The following RGMA variants were observed in gnomAD, a reference collection of about 807,000 sequenced individuals.
The protein encoded by RGMA is repulsive guidance molecule A.
A neutral mutation model predicts 23.2 loss-of-function variants in RGMA; 10 were observed. That is an observed-to-expected ratio of 0.43 (90% CI 0.27 to 0.73). The LOEUF is 0.73. Among genes scored for constraint, RGMA ranks in the 30% least tolerant of loss-of-function variants. RGMA has a pLI of 0.20. For synonymous variants in RGMA, 308 were observed against 279.3 expected (o/e 1.10, Z -1.03); for missense variants, 547 against 630.5 (o/e 0.87, Z 1.42).
At chr15:93,073,838 T>C in intron 1 of RGMA, 3 of 1,512,278 alleles carry the variant, frequency 2.0e-6, no homozygotes, top group Non-Finnish European at 1.8e-6. Context: ...TGCGCCCCCG[T>C]GCTGAGGGCC....
chr15:93,072,814 G>C (rs1895373824), intron 2 of RGMA, 102 bp downstream of exon 2: 2 of 1,255,016 alleles, frequency 1.6e-6, no homozygotes, highest in African/African-American at 1.5e-5. Flanking sequence ...GTCCGGAGGA[G>C]GTCCGGAGAA....
intron 1 of RGMA, among the ~76,000 whole-genome samples, chr15:93,074,449 G>A (rs1383442520): frequency 2.0e-5 from 3 of 152,162 alleles, no homozygotes; most frequent in Non-Finnish European, 2.9e-5. Context: ...TATGAATCTG[G>A]CTTCCACAAA....
chr15:93,076,280 T>G (rs2141844690), intron 1 of RGMA, among the ~76,000 whole-genome samples: 1 of 150,804 alleles, frequency 6.6e-6, no homozygotes, highest in African/African-American at 2.5e-5. Context: ...CTTTCCACTC[T>G]GGGGGTAGCT....
At chr15:93,075,366 A>G (rs1895455593) in intron 1 of RGMA, among the ~76,000 whole-genome samples, 1 of 152,176 alleles carries the variant, frequency 6.6e-6, no homozygotes, top group Admixed American at 6.5e-5. Context: ...AGGTGTATGC[A>G]CTGATTCCTT....
At chr15:93,053,787 C>T (rs8025369) in intron 2 of RGMA, among the ~76,000 whole-genome samples, 1 of 152,172 alleles carries the variant, frequency 6.6e-6, no homozygotes, top group Non-Finnish European at 1.5e-5. Context: ...TGAGCACGGG[C>T]GAGTCAGTGC....
Position 93,066,005 on chromosome 15 carries a change from C to T in RGMA, c.130+6911G>A. ...TGCGCGGAGTCTTTGGCCCGTTCCC[C>T]TTCTCTGCCAGGTTCTGTCCCCGCT... is the stretch of plus-strand genomic sequence containing the variant. On this transcript the variant is annotated intron_variant, in intron 2 of 3. Coordinates refer to ENST00000329082, the MANE Select transcript of RGMA (RefSeq NM_020211.3). 1.5e-6 allele frequency: 2 copies of T among 1,339,150 alleles called. 1 individual carries two copies. The highest frequency in any genetic ancestry group is 2.5e-5 in the South Asian group (2 of 80,820). 83.0% of individuals were successfully genotyped at this position (1,339,150 alleles called of 1,614,324 possible). A position where few individuals can be genotyped will look rare whatever the true frequency, so the allele number is the denominator to read the frequency against.
chr15:93,070,941 C>G (rs1055096368), intron 2 of RGMA, among the ~76,000 whole-genome samples: 3 of 152,216 alleles, frequency 2.0e-5, no homozygotes, highest in Non-Finnish European at 4.4e-5. Flanking sequence ...AGAAATAAAT[C>G]GAGAAACAAC....
rs1335782562 is a variant in RGMA, at chr15:93,045,449, A to C, written c.902T>G (p.Val301Gly). Residue 301 changes from valine (V) to glycine (G), a missense_variant, in exon 4 of 4, where the codon GTC becomes GGC. Transcript: ENST00000329082. The surrounding 1 kb of genome is among the most constrained non-coding windows in gnomAD (Gnocchi z 6.9). ...GCTGTCCCAGTCCTCCACAGCATTG[A>C]CCACTTCCTCTGGCATGCGGACGGC... ...TFAVRMPEEV[V>G]NAVEDWDSQG... 2 of 1,612,882 alleles carry C rather than the reference A, an allele frequency of 1.2e-6. No individual in the cohort carries two copies.
At position 93,044,575 on chromosome 15, in the gene RGMA, T is replaced by C. The variant is rs562718906; in HGVS notation, c.*423A>G. 434 of 243,282 alleles carry C rather than the reference T, an allele frequency of 1.8e-3. 3 individuals carry two copies. The highest frequency in any genetic ancestry group is 3.8e-3 in the Admixed American group (74 of 19,570). 15.1% of individuals were successfully genotyped at this position (243,282 alleles called of 1,614,324 possible). A position where few individuals can be genotyped will look rare whatever the true frequency, so the allele number is the denominator to read the frequency against. The stretch of plus-strand genomic sequence containing the variant: ...GAGTGTGCTCTCGTGTAAGAGTGTG[T>C]GCGTGCGTGTGGCGGGCACAGGGGG... On this transcript the variant is annotated 3_prime_UTR_variant, in exon 4 of 4. Transcript: ENST00000329082.
chr15:93,055,955 A>G (rs1476048241), intron 2 of RGMA, among the ~76,000 whole-genome samples: 1 of 152,194 alleles, frequency 6.6e-6, no homozygotes, highest in Non-Finnish European at 1.5e-5. Flanking sequence ...GCAGTTCATG[A>G]CAGAAATCCC....
chr15:93,066,942 C>G (rs1373029225), intron 2 of RGMA, among the ~76,000 whole-genome samples: 1 of 152,268 alleles, frequency 6.6e-6, no homozygotes, highest in African/African-American at 2.4e-5. Context: ...CTCTCTGACC[C>G]TGTGTTTCCT....
intron 2 of RGMA, among the ~76,000 whole-genome samples, chr15:93,061,283 A>G (rs1301060849): frequency 6.6e-6 from 1 of 152,204 alleles, no homozygotes; most frequent in Non-Finnish European, 1.5e-5. Context: ...CCTCCTGAGT[A>G]GCTGGGATTA....
Position 93,043,403 on chromosome 15 carries a change from G to A in RGMA, c.*1595C>T, listed in dbSNP as rs34762760. ...CTGTTCAGAAAACAAACTCCAACAC[G>A]TCTAAAAGAAAATAACAAAAAAACC... On this transcript the variant is annotated 3_prime_UTR_variant, in exon 4 of 4. Transcript: ENST00000329082. The A allele has an allele frequency of 0.72, 109,687 of 152,434 alleles. 42,014 individuals are homozygous for A. Among genetic ancestry groups the A allele is most frequent in the Non-Finnish European group, 0.87 (59,315 of 68,016 alleles). The allele number at this position is 152,434 out of a possible 1,614,324, so 9.4% of individuals were successfully genotyped here. A position where few individuals can be genotyped will look rare whatever the true frequency, so the allele number is the denominator to read the frequency against.
chr15:93,063,466 A>T (rs11631745), intron 2 of RGMA, among the ~76,000 whole-genome samples: 27,840 of 152,100 alleles, frequency 0.18, 2,791 homozygotes, highest in Middle Eastern at 0.33. Flanking sequence ...CCAGAGCAGT[A>T]TTCGGGAGTC....
chr15:93,078,334 A>T (rs1315112011), intron 1 of RGMA, among the ~76,000 whole-genome samples: 2 of 152,218 alleles, frequency 1.3e-5, no homozygotes, highest in African/African-American at 4.8e-5. Context: ...TCCACCATTC[A>T]CTTACTGACC....
rs914616474 is a variant in RGMA at position 93,044,840 on chromosome 15, G to T, written c.*158C>A. ...CAACCTTGTCACGTGCACTAGAAGGGGAGGGGTCCGTGCCTGAGCCCTTGG... is the reference window on the plus strand; with the variant it reads ...CAACCTTGTCACGTGCACTAGAAGGTGAGGGGTCCGTGCCTGAGCCCTTGG... On this transcript the variant is annotated 3_prime_UTR_variant, in exon 4 of 4. Coordinates refer to ENST00000329082, the MANE Select transcript of RGMA (RefSeq NM_020211.3). 8.0e-6 allele frequency: 5 copies of T among 624,906 alleles called. No individual in the cohort carries two copies. Among genetic ancestry groups the T allele is most frequent in the Admixed American group, 5.9e-5 (2 of 33,948 alleles). The allele number at this position is 624,906 out of a possible 1,614,324, so 38.7% of individuals were successfully genotyped here.
intron 2 of RGMA, among the ~76,000 whole-genome samples, chr15:93,057,242 C>A: frequency 6.6e-6 from 1 of 152,292 alleles, no homozygotes; most frequent in Non-Finnish European, 1.5e-5. Context: ...AGGGAGAGCG[C>A]TATAGACTGA....
chr15:93,054,555 C>T (rs543138062), intron 2 of RGMA, among the ~76,000 whole-genome samples: 4 of 152,310 alleles, frequency 2.6e-5, no homozygotes, highest in Middle Eastern at 3.4e-3. Context: ...CCTGCTGCCA[C>T]GTAAGATGTG....
At chr15:93,053,055 A>G (rs941852849) in intron 2 of RGMA, among the ~76,000 whole-genome samples, 1 of 152,198 alleles carries the variant, frequency 6.6e-6, no homozygotes, top group African/African-American at 2.4e-5. Flanking sequence ...TGGCCCCAGC[A>G]TTCACGGCCA....
Sources: allele counts gnomAD v4.1 joint callset (sites outside exome capture counted in the v4.1 genomes callset), GRCh38; gene constraint gnomAD v4.1.1; non-coding constraint Gnocchi (gnomAD v3.1); transcripts MANE v1.5; gene names NCBI Gene and HGNC (gene_info 2026-07-23, HGNC 2026-07-21).